Variants in SYN1 observed in about 807,000 individuals in gnomAD.
SYN1 encodes synapsin I, also known as synapsin-1.
Under a neutral mutation model 44.6 loss-of-function variants are expected in SYN1, and 8 were observed. The observed-to-expected ratio is 0.18, with a 90% CI of 0.11 to 0.32. SYN1 has a LOEUF of 0.32. Ranked by LOEUF, SYN1 falls within the 10% of genes least tolerant of loss-of-function variation. The pLI is 1.00. For synonymous variants in SYN1, 275 were observed against 280.1 expected (o/e 0.98, Z 0.18); for missense variants, 451 against 639.4 (o/e 0.71, Z 3.18).
chrX:47,611,700 A>T (rs1374799070), intron 1 of SYN1, among the ~76,000 whole-genome samples: 1 of 111,627 alleles, frequency 9.0e-6, no homozygotes, highest in Non-Finnish European at 1.9e-5. Flanking sequence ...CATCATACTG[A>T]TTGTGCAAGA....
At position 47,619,638 on chromosome X, in the gene SYN1, G is replaced by A; in HGVS notation, c.91C>T (p.Pro31Ser). 8.6e-7 allele frequency: 1 copy of A among 1,160,698 alleles called. No individual in the cohort carries two copies. The highest frequency in any genetic ancestry group is 1.2e-6 in the Non-Finnish European group (1 of 869,362). The change falls in exon 1 of 13, where the codon CCC (proline) becomes TCC (serine). Residue 31 changes from proline (P) to serine (S), a missense_variant. Pro to Ser is a moderately conservative substitution (Grantham distance 74, BLOSUM62 -1). Coordinates refer to ENST00000295987, the MANE Select transcript of SYN1 (RefSeq NM_006950.3). ...YMTDLQRPQP[P>S]PPPPGAHSPG... The stretch of plus-strand genomic sequence containing the variant: ...CTGTGGGCACCGGGCGGCGGTGGGG[G>A]CGGCTGCGGACGCTGCAGGTCTGTC...
At chrX:47,577,350 G>A (rs2057781075) in intron 6 of SYN1, 89 bp downstream of exon 6, 8 of 995,226 alleles carry the variant, frequency 8.0e-6, no homozygotes, top group Admixed American at 5.1e-5. Flanking sequence ...GATAGATAAC[G>A]ACACCCCAGG....
chrX:47,575,970 T>C (rs1446263817), intron 9 of SYN1, among the ~76,000 whole-genome samples, 161 bp downstream of exon 9: 2 of 112,205 alleles, frequency 1.8e-5, no homozygotes, highest in Non-Finnish European at 3.8e-5. Context: ...GTTCTGCCAT[T>C]GCAAGGGATG....
At position 47,574,417 on chromosome X, in the gene SYN1, C is replaced by T; in HGVS notation, c.1567G>A (p.Ala523Thr). ...SAPQQPASQA[A>T]PPTQGQGRQS... ...CGGCCTTGACCCTGGGTCGGCGGCG[C>T]GGCCTGGGACGCGGGCTGCTGGGGC... Residue 523 changes from alanine to threonine, a missense_variant, in exon 12 of 13, where the codon GCG becomes ACG. Physicochemically the swap from Ala to Thr is moderately conservative, Grantham distance 58. Coordinates refer to ENST00000295987, the MANE Select transcript of SYN1 (RefSeq NM_006950.3). 1.9e-6 allele frequency: 2 copies of T among 1,026,740 alleles called. No homozygotes were observed. The highest frequency in any genetic ancestry group is 1.2e-6 in the Non-Finnish European group (1 of 812,711). 84.6% of individuals were successfully genotyped at this position (1,026,740 alleles called of 1,213,427 possible).
In SYN1 at chrX:47,619,389, T is replaced by C. The variant is rs760804604; in HGVS notation, c.340A>G (p.Arg114Gly). ...GGCTCGTCGATGACCAGCAGCACCC[T>C]GGAGGCGGCTCCCCCGCGGCCTGCG... ...GGAGRGGAASRVLLVIDEPHT... is the reference protein window; with the variant it reads ...GGAGRGGAASGVLLVIDEPHT... Residue 114 changes from arginine to glycine, a missense_variant, in exon 1 of 13, where the codon AGG becomes GGG. By Grantham distance (125) the Arg-to-Gly change is moderately radical (BLOSUM62 -2). Around this residue, in one of 3 missense-constraint regions of SYN1, gnomAD observed 315 missense variants for 451.4 expected, o/e 0.70. Transcript: ENST00000295987. 1 of 1,194,110 alleles carries C rather than the reference T, an allele frequency of 8.4e-7. No individual in the cohort carries two copies. The highest frequency in any genetic ancestry group is 2.2e-5 in the Admixed American group (1 of 45,324).
chrX:47,591,736 T>C (rs1270960344), intron 5 of SYN1, among the ~76,000 whole-genome samples: 6 of 104,936 alleles, frequency 5.7e-5, no homozygotes, highest in Admixed American at 2.0e-4. Flanking sequence ...AAAAAAAAAG[T>C]TAGTATATAT....
chrX:47,583,665 T>A (rs2057809688), intron 5 of SYN1: 2 of 772,124 alleles, frequency 2.6e-6, no homozygotes. Flanking sequence ...TTAGCCACAC[T>A]GGCATCCTCA....
chrX:47,606,950 G>A lies in SYN1; in HGVS notation c.522C>T (p.Val174=), dbSNP rs770853475. 2.5e-6 allele frequency: 3 copies of A among 1,208,810 alleles called. No homozygotes were observed. In the Admixed American group the frequency reaches 6.5e-5, roughly 26 times the overall value. ...GGTACCCTTCTTATACTCACCGCACGACCTTCACCCCATTCCGAAGAACTT... is the reference window on the plus strand; with the variant it reads ...GGTACCCTTCTTATACTCACCGCACAACCTTCACCCCATTCCGAAGAACTT... ...DMEVLRNGVK[V]VRSLKPDFVL... Residue 174 remains valine, a synonymous_variant, in exon 3 of 13, where the codon GTC becomes GTT. Coordinates refer to ENST00000295987, the MANE Select transcript of SYN1 (RefSeq NM_006950.3).
In SYN1 at chrX:47,611,326, A is replaced by G. The variant is rs139350604; in HGVS notation, c.378-4128T>C. 2.6e-3 allele frequency among the ~76,000 whole-genome samples: 290 copies of G among 111,689 alleles called. 4 individuals are homozygous for G. Among genetic ancestry groups the G allele is most frequent in the African/African-American group, 7.7e-3 (235 of 30,711 alleles). Reference sequence around the variant, plus strand: ...GTCTCATCTTATCTCCATCGAGTTGAGCAGTCTGGCCCCTGGAGAGGTCAG... The same window carrying G: ...GTCTCATCTTATCTCCATCGAGTTGGGCAGTCTGGCCCCTGGAGAGGTCAG... On this transcript the variant is annotated intron_variant, in intron 1 of 12. Coordinates refer to ENST00000295987, the MANE Select transcript of SYN1 (RefSeq NM_006950.3).
At chrX:47,576,984 A>G (rs898062367) in intron 6 of SYN1, among the ~76,000 whole-genome samples, 6 of 111,916 alleles carry the variant, frequency 5.4e-5, no homozygotes, top group Admixed American at 1.9e-4. Flanking sequence ...CACAAAATCA[A>G]TTGTACACAC....
intron 5 of SYN1, chrX:47,586,318 G>T (rs187806973): frequency 1.3e-6 from 1 of 752,727 alleles, no homozygotes; most frequent in Admixed American, 8.8e-5. Flanking sequence ...ACCATTCCAG[G>T]ACACTGATTT....
At chrX:47,585,480 G>C (rs5953060) in intron 5 of SYN1, 545,904 of 1,188,928 alleles carry the variant, frequency 0.46, 84,550 homozygotes, top group South Asian at 0.52. Context: ...CGGGCCTTTG[G>C]CAGCTTGGCA....
chrX:47,582,829 A>C (rs1266469576), intron 5 of SYN1, among the ~76,000 whole-genome samples: 1 of 53,030 alleles, frequency 1.9e-5, no homozygotes, highest in Non-Finnish European at 3.5e-5. Flanking sequence ...AAACTCCCCC[A>C]GCTCCCCAAT....
intron 1 of SYN1, among the ~76,000 whole-genome samples, chrX:47,614,902 C>T (rs1325250100): frequency 2.7e-5 from 3 of 111,616 alleles, no homozygotes; most frequent in East Asian, 2.8e-4. Flanking sequence ...GAGGATTGGC[C>T]GAGGCCTCTT....
intron 5 of SYN1, chrX:47,582,381 G>C: frequency 5.0e-6 from 1 of 199,784 alleles, no homozygotes; most frequent in South Asian, 5.4e-5. Context: ...TTCCGCACCC[G>C]CTGCCACCCC....
At chrX:47,578,575 C>T (rs1254464261) in intron 5 of SYN1, among the ~76,000 whole-genome samples, 2 of 111,786 alleles carry the variant, frequency 1.8e-5, no homozygotes, top group Non-Finnish European at 3.8e-5. Context: ...TTCCTGGGCA[C>T]TCCCACCCCA....
chrX:47,577,566 G>C (rs954633190), intron 5 of SYN1, 65 bp from the exon 6 acceptor site: 1 of 1,011,306 alleles, frequency 9.9e-7, no homozygotes, highest in Non-Finnish European at 1.4e-6. Context: ...GGGTGGGGCG[G>C]CACTGAGGGG....
At chrX:47,603,904 ATATTT>A (rs1224730869) in intron 5 of SYN1, among the ~76,000 whole-genome samples, 2 of 82,876 alleles carry the variant, frequency 2.4e-5, no homozygotes, top group Non-Finnish European at 5.0e-5. Flanking sequence ...ATATATATAT[ATATTT>A]TTTTTTTTTT....
chrX:47,572,876 G>A lies in SYN1; in HGVS notation c.2106C>T (p.Leu702=), dbSNP rs775964113. ...IRSLRKSFAS[L]FSD Reference sequence around the variant, plus strand: ...TCAGAGTGGGGTATCAGTCGGAGAAGAGGCTGGCGAAAGACTTCCTCAGGC... The same window carrying A: ...TCAGAGTGGGGTATCAGTCGGAGAAAAGGCTGGCGAAAGACTTCCTCAGGC... The change falls in exon 13 of 13, where the codon CTC becomes CTT. Residue 702 remains leucine (L), a synonymous_variant. Coordinates refer to ENST00000295987, the MANE Select transcript of SYN1 (RefSeq NM_006950.3). 2 of 1,211,728 alleles carry A rather than the reference G, an allele frequency of 1.7e-6. No homozygotes were observed. The highest frequency in any genetic ancestry group is 1.1e-6 in the Non-Finnish European group (1 of 895,482).
Sources: allele counts gnomAD v4.1 joint callset (sites outside exome capture counted in the v4.1 genomes callset), GRCh38; gene constraint gnomAD v4.1.1; regional missense constraint gnomAD v4.1.1; transcripts MANE v1.5; gene names NCBI Gene and HGNC (gene_info 2026-07-23, HGNC 2026-07-21).